The following CCDC85A variants were observed in gnomAD, a reference collection of about 807,000 sequenced individuals.
The protein encoded by CCDC85A is coiled-coil domain containing 85A, also known as coiled-coil domain-containing protein 85A.
A neutral mutation model predicts 50.2 loss-of-function variants in CCDC85A; 38 were observed. The ratio of observed to expected loss-of-function variants is 0.76; its 90% confidence interval spans 0.58 to 0.99. CCDC85A has a LOEUF of 0.99. Among genes scored for constraint, CCDC85A ranks in the 50% least tolerant of loss-of-function variants. CCDC85A has a pLI of 0.00. For missense variants in CCDC85A, 820 were observed against 742.0 expected, an observed-to-expected ratio of 1.11 and a Z score of -1.22; for synonymous variants, 366 against 301.4, an observed-to-expected ratio of 1.21 and a Z score of -2.22.
intron 2 of CCDC85A, among the ~76,000 whole-genome samples, chr2:56,251,061 C>T (rs1322505755): frequency 6.6e-6 from 1 of 152,030 alleles, no homozygotes; most frequent in East Asian, 1.9e-4. Context: ...CACTTTATTA[C>T]CTAGTGTTGT....
At chr2:56,305,903 A>T (rs1479828266) in intron 2 of CCDC85A, among the ~76,000 whole-genome samples, 1 of 152,234 alleles carries the variant, frequency 6.6e-6, no homozygotes, top group Non-Finnish European at 1.5e-5. Context: ...ACCCAAAGTG[A>T]CAATGTGAAG....
chr2:56,249,590 G>A (rs769863384), intron 2 of CCDC85A, among the ~76,000 whole-genome samples: 5 of 152,234 alleles, frequency 3.3e-5, no homozygotes, highest in Admixed American at 6.5e-5. Flanking sequence ...CTGCCTTTGC[G>A]TATGCAGCAT....
At chr2:56,301,218 C>T (rs1408127777) in intron 2 of CCDC85A, among the ~76,000 whole-genome samples, 1 of 152,134 alleles carries the variant, frequency 6.6e-6, no homozygotes, top group Non-Finnish European at 1.5e-5. Flanking sequence ...CAAATCAAAT[C>T]ACTCAGTGGT....
chr2:56,320,572 C>G (rs1249645079), intron 2 of CCDC85A, among the ~76,000 whole-genome samples: 1 of 152,118 alleles, frequency 6.6e-6, no homozygotes, highest in East Asian at 1.9e-4. Flanking sequence ...AACATACACC[C>G]TCCCAAGACT....
intron 3 of CCDC85A, among the ~76,000 whole-genome samples, chr2:56,349,185 A>C (rs911873607): frequency 6.6e-6 from 1 of 152,194 alleles, no homozygotes; most frequent in Non-Finnish European, 1.5e-5. Context: ...AATTAGTTAA[A>C]TCCATTAAGG....
At chr2:56,243,473 CTTGA>C (rs2103971342) in intron 2 of CCDC85A, among the ~76,000 whole-genome samples, 1 of 152,166 alleles carries the variant, frequency 6.6e-6, no homozygotes, top group African/African-American at 2.4e-5. Flanking sequence ...AGAATTTCTG[CTTGA>C]TTCTTTTTAT....
intron 2 of CCDC85A, among the ~76,000 whole-genome samples, chr2:56,227,236 C>T (rs116030776): frequency 2.0e-5 from 3 of 152,272 alleles, no homozygotes; most frequent in South Asian, 4.1e-4. Context: ...TTAAAAGTCT[C>T]ATTCTGTAAT....
At chr2:56,198,388 G>C (rs2869499) in intron 2 of CCDC85A, among the ~76,000 whole-genome samples, 29,325 of 152,156 alleles carry the variant, frequency 0.19, 2,963 homozygotes, top group African/African-American at 0.25. Flanking sequence ...GTGTATTTCT[G>C]TTGTGTGAAC....
intron 3 of CCDC85A, among the ~76,000 whole-genome samples, chr2:56,349,061 A>G (rs1407144415): frequency 6.6e-6 from 1 of 152,198 alleles, no homozygotes; most frequent in African/African-American, 2.4e-5. Flanking sequence ...AGAAATTACC[A>G]TTCTGGCACT....
chr2:56,235,089 A>C (rs1415957627), intron 2 of CCDC85A: 1 of 152,232 alleles, frequency 6.6e-6, no homozygotes, highest in Non-Finnish European at 1.5e-5. Context: ...AAATACCATC[A>C]GTGAATTACA....
intron 5 of CCDC85A, among the ~76,000 whole-genome samples, chr2:56,379,431 C>A (rs897933318): frequency 3.3e-5 from 5 of 152,026 alleles, no homozygotes; most frequent in African/African-American, 1.2e-4. Flanking sequence ...TTGACTATAT[C>A]CAAATTGTTG....
intron 2 of CCDC85A, among the ~76,000 whole-genome samples, chr2:56,218,588 T>G (rs1668189559): frequency 6.6e-6 from 1 of 151,898 alleles, no homozygotes; most frequent in Non-Finnish European, 1.5e-5. Context: ...CACCACCATG[T>G]CAATAAATTT....
At chr2:56,333,133 G>A (rs1673897876) in intron 2 of CCDC85A, among the ~76,000 whole-genome samples, 1 of 152,216 alleles carries the variant, frequency 6.6e-6, no homozygotes, top group African/African-American at 2.4e-5. Context: ...GGTAGAAGGT[G>A]TTGAAGTCTT....
At chr2:56,291,677 A>T (rs933306383) in intron 2 of CCDC85A, among the ~76,000 whole-genome samples, 1 of 152,040 alleles carries the variant, frequency 6.6e-6, no homozygotes, top group African/African-American at 2.4e-5. Flanking sequence ...AGACAAAGGG[A>T]CACATAGCAT....
intron 2 of CCDC85A, among the ~76,000 whole-genome samples, chr2:56,234,932 C>G (rs1466819214): frequency 1.3e-5 from 2 of 152,122 alleles, no homozygotes; most frequent in Non-Finnish European, 2.9e-5. Context: ...AGTAGATGTT[C>G]CATGTAGCTA....
At chr2:56,342,568 G>C (rs1674426082) in intron 2 of CCDC85A, among the ~76,000 whole-genome samples, 1 of 152,074 alleles carries the variant, frequency 6.6e-6, no homozygotes, top group Non-Finnish European at 1.5e-5. Context: ...ACCTTTACTT[G>C]TGTTTTCTTA....
intron 2 of CCDC85A, among the ~76,000 whole-genome samples, chr2:56,202,570 G>A (rs1356102616): frequency 6.6e-6 from 1 of 152,178 alleles, no homozygotes; most frequent in African/African-American, 2.4e-5. Context: ...AAAAGGATGG[G>A]CCAGATGGCA....
At chr2:56,224,031 G>A (rs984118472) in intron 2 of CCDC85A, among the ~76,000 whole-genome samples, 19 of 152,056 alleles carry the variant, frequency 1.2e-4, no homozygotes, top group Non-Finnish European at 2.5e-4. Flanking sequence ...ATTCAGAGTT[G>A]TACAACTATC....
At chr2:56,191,715 C>A (rs1361517433) in intron 1 of CCDC85A, among the ~76,000 whole-genome samples, 1 of 152,154 alleles carries the variant, frequency 6.6e-6, no homozygotes, top group African/African-American at 2.4e-5. Context: ...ATTTAAGGCT[C>A]AGGTTGCTTG....
Sources: allele counts gnomAD v4.1 joint callset (sites outside exome capture counted in the v4.1 genomes callset), GRCh38; gene constraint gnomAD v4.1.1; transcripts MANE v1.5; gene names NCBI Gene and HGNC (gene_info 2026-07-23, HGNC 2026-07-21).